Variants in RPP38 observed in about 807,000 individuals in gnomAD.
The protein encoded by RPP38 is ribonuclease P/MRP subunit p38.
RPP38 carries 2 observed loss-of-function variants against 1.7 expected under a neutral mutation model. The ratio of observed to expected loss-of-function variants is 1.18; its 90% confidence interval spans 0.48 to 3.70. RPP38 has a LOEUF of 3.70. Among genes scored for constraint, RPP38 ranks in the 30% most tolerant of loss-of-function variants. The pLI, the probability that RPP38 is intolerant of heterozygous loss-of-function variation, is 0.07. For missense variants in RPP38, 358 were observed against 340.1 expected (o/e 1.05, Z -0.41); for synonymous variants, 151 against 131.8 (o/e 1.15, Z -1.00).
At chr10:15,098,249 T>TG (rs1845006626) in intron 1 of RPP38, among the ~76,000 whole-genome samples, 1 of 147,950 alleles carries the variant, frequency 6.8e-6, no homozygotes, top group Non-Finnish European at 1.5e-5. Context: ...TTTTTTTTTT[T>TG]GAGACATAGC....
Position 15,103,477 on chromosome 10 carries a change from A to G in RPP38, c.163A>G (p.Ile55Val), listed in dbSNP as rs186655389. ...GACGCTTGAGGACAGGCTTAAAGCT[A>G]TTGGACTTCAGAAGATTGAAGATAA... ...LQTLEDRLKA[I>V]GLQKIEDKKK... Residue 55 changes from isoleucine (I) to valine (V), a missense_variant, in exon 3 of 3, where the codon ATT becomes GTT. Transcript: ENST00000378197. 58 of 1,614,170 alleles carry G rather than the reference A, an allele frequency of 3.6e-5. No homozygotes were observed. The African/African-American group carries it at 4.8e-4, about 13-fold the overall frequency.
At chr10:15,101,462 A>G (rs531360639) in intron 1 of RPP38, among the ~76,000 whole-genome samples, 3 of 152,182 alleles carry the variant, frequency 2.0e-5, no homozygotes, top group African/African-American at 4.8e-5. Flanking sequence ...CTCTGGACCA[A>G]TAGTTTATAA....
At chr10:15,101,512 A>C (rs537874129) in intron 1 of RPP38, among the ~76,000 whole-genome samples, 1 of 152,248 alleles carries the variant, frequency 6.6e-6, no homozygotes, top group African/African-American at 2.4e-5. Flanking sequence ...ATTTTTCCTC[A>C]ATGGATTAGT....
chr10:15,103,332 A>G lies in RPP38; in HGVS notation c.18A>G (p.Gln6=). ...TTTTCAAAATGGCTGCAGCTCCTCA[A>G]GCACCGGGGCGGGGATCTCTCCGTA... MAAAP[Q]APGRGSLRKT... is the part of the protein sequence containing the mutation. Residue 6 remains glutamine (Q), a synonymous_variant, in exon 3 of 3, where the codon CAA becomes CAG. Transcript: ENST00000378197. The G allele has an allele frequency of 6.4e-7, 1 of 1,571,272 alleles. No individual in the cohort carries two copies. The highest frequency in any genetic ancestry group is 8.6e-7 in the Non-Finnish European group (1 of 1,162,328).
In RPP38 at chr10:15,098,217, T is replaced by C. The variant is rs570027560; in HGVS notation, c.-130+451T>C. Among the ~76,000 whole-genome samples the C allele has an allele frequency of 3.2e-4, 47 of 147,572 alleles. 1 individual carries two copies. In the South Asian group the frequency reaches 9.7e-3, roughly 31 times the overall value. On this transcript the variant is annotated intron_variant, in intron 1 of 2. Coordinates refer to ENST00000378197, the MANE Select transcript of RPP38 (RefSeq NM_183005.5). Reference sequence around the variant, plus strand: ...CTCTGCCCCAGCCACATTGAACTTATTTGAACGTGTTTTTTTTTTTTTTTT... The same window carrying C: ...CTCTGCCCCAGCCACATTGAACTTACTTGAACGTGTTTTTTTTTTTTTTTT...
At position 15,097,648 on chromosome 10, in the gene RPP38, C is replaced by T. The variant is rs7900561; in HGVS notation, c.-248C>T. 40,788 of 152,324 alleles carry T rather than the reference C, an allele frequency of 0.27. 6,926 individuals carry two copies. The highest frequency in any genetic ancestry group is 0.49 in the African/African-American group (20,163 of 41,534). 9.4% of individuals were successfully genotyped at this position (152,324 alleles called of 1,614,324 possible). ...CGGCTCCTCTGCTGGATTGCAGCGCCGGCTGGGCACCAGGAGTACAAAGCG... is the reference window on the plus strand; with the variant it reads ...CGGCTCCTCTGCTGGATTGCAGCGCTGGCTGGGCACCAGGAGTACAAAGCG... On this transcript the variant is annotated 5_prime_UTR_variant, in exon 1 of 3. Transcript: ENST00000378197.
In RPP38 at chr10:15,097,595, T is replaced by G. The variant is rs1439543364; in HGVS notation, c.-301T>G. 1.3e-5 allele frequency: 2 copies of G among 152,264 alleles called. No individual in the cohort carries two copies. The highest frequency in any genetic ancestry group is 6.5e-5 in the Admixed American group (1 of 15,286). 9.4% of individuals were successfully genotyped at this position (152,264 alleles called of 1,614,324 possible). Reference sequence around the variant, plus strand: ...GCCGCCCAGTCCCGGGCCGGGCGCGTGCACCCAGAGCTTCCGCGTTTCTAG... The same window carrying G: ...GCCGCCCAGTCCCGGGCCGGGCGCGGGCACCCAGAGCTTCCGCGTTTCTAG... On this transcript the variant is annotated 5_prime_UTR_variant, in exon 1 of 3. Coordinates refer to ENST00000378197, the MANE Select transcript of RPP38 (RefSeq NM_183005.5).
At chr10:15,103,157 A>C in intron 2 of RPP38, 148 bp from the exon 3 acceptor site, 1 of 665,320 alleles carries the variant, frequency 1.5e-6, no homozygotes. Context: ...GTGCCACTGC[A>C]CTCCAGCCTG....
chr10:15,103,850 C>T lies in RPP38; in HGVS notation c.536C>T (p.Ala179Val), dbSNP rs149173426. Residue 179 changes from alanine to valine, a missense_variant, in exon 3 of 3, where the codon GCC becomes GTC. Ala to Val is a moderately conservative substitution (Grantham distance 64). Coordinates refer to ENST00000378197, the MANE Select transcript of RPP38 (RefSeq NM_183005.5). ...APVIGLKCVL[A>V]LAFKKNTTDF... is the part of the protein sequence containing the mutation. The stretch of plus-strand genomic sequence containing the variant: ...GTCATTGGCTTAAAATGTGTTCTAG[C>T]CTTGGCGTTCAAAAAGAACACCACT... The T allele has an allele frequency of 1.3e-5, 21 of 1,613,976 alleles. No homozygotes were observed. Among genetic ancestry groups the T allele is most frequent in the Non-Finnish European group, 1.8e-5 (21 of 1,180,020 alleles).
chr10:15,104,031 G>A lies in RPP38; in HGVS notation c.717G>A (p.Leu239=), dbSNP rs760018858. ...RELLDTSFED[L]SKPKRKLADG... ...TTTTGGACACTTCATTTGAAGATCT[G>A]TCAAAACCTAAGAGAAAGCTTGCTG... The change falls in exon 3 of 3, where the codon CTG becomes CTA. Residue 239 remains leucine, a synonymous_variant. Transcript: ENST00000378197. 31 of 1,614,018 alleles carry A rather than the reference G, an allele frequency of 1.9e-5. No homozygotes were observed. The East Asian group carries it at 3.8e-4, about 20-fold the overall frequency.
At chr10:15,098,840 T>G (rs1288679747) in intron 1 of RPP38, among the ~76,000 whole-genome samples, 2 of 148,794 alleles carry the variant, frequency 1.3e-5, no homozygotes, top group South Asian at 4.2e-4. Flanking sequence ...GAGCCGAGAT[T>G]GTGCCACTGC....
intron 1 of RPP38, among the ~76,000 whole-genome samples, chr10:15,098,998 T>C (rs1845036184): frequency 6.6e-6 from 1 of 151,922 alleles, no homozygotes; most frequent in African/African-American, 2.4e-5. Flanking sequence ...CTGACCTTCA[T>C]GTGCATCAGG....
chr10:15,098,359 G>C (rs941441129), intron 1 of RPP38, among the ~76,000 whole-genome samples: 5 of 149,398 alleles, frequency 3.3e-5, no homozygotes, highest in Non-Finnish European at 5.9e-5. Flanking sequence ...CGAGTAGCTG[G>C]GACTACAGGC....
chr10:15,099,370 C>T (rs1056732142), intron 1 of RPP38, among the ~76,000 whole-genome samples: 2 of 152,006 alleles, frequency 1.3e-5, no homozygotes, highest in Non-Finnish European at 1.5e-5. Context: ...TAGCTCATGC[C>T]CTCAATCCCA....
chr10:15,101,804 C>T (rs1005973445), intron 1 of RPP38, among the ~76,000 whole-genome samples: 3 of 152,072 alleles, frequency 2.0e-5, no homozygotes, highest in African/African-American at 7.2e-5. Flanking sequence ...GCAGGAGAAT[C>T]GCTTGAATCT....
intron 1 of RPP38, among the ~76,000 whole-genome samples, chr10:15,099,476 CTT>C (rs758952385): frequency 1.1e-4 from 16 of 141,868 alleles, no homozygotes; most frequent in Admixed American, 2.1e-4. Flanking sequence ...TATAGAATTT[CTT>C]TTTTTTTTTT....
In RPP38 at chr10:15,104,202, A is replaced by T; in HGVS notation, c.*36A>T. The T allele has an allele frequency of 6.5e-7, 1 of 1,531,600 alleles. No individual in the cohort carries two copies. Among genetic ancestry groups the T allele is most frequent in the South Asian group, 1.3e-5 (1 of 76,822 alleles). 94.9% of individuals were successfully genotyped at this position (1,531,600 alleles called of 1,614,324 possible). A position where few individuals can be genotyped will look rare whatever the true frequency, so the allele number is the denominator to read the frequency against. On this transcript the variant is annotated 3_prime_UTR_variant, in exon 3 of 3. Transcript: ENST00000378197. ...ACTTGTCATGTCATACAGTTTGTGA[A>T]AGGACACCTTGTAAAGAAGCCTTGA... is the stretch of plus-strand genomic sequence containing the variant.
At chr10:15,099,333 T>C (rs945464353) in intron 1 of RPP38, among the ~76,000 whole-genome samples, 2 of 152,108 alleles carry the variant, frequency 1.3e-5, no homozygotes, top group Non-Finnish European at 2.9e-5. Context: ...GCCTTTTATG[T>C]CACATTAGAG....
At chr10:15,098,747 G>A (rs1166652825) in intron 1 of RPP38, among the ~76,000 whole-genome samples, 1 of 151,548 alleles carries the variant, frequency 6.6e-6, no homozygotes, top group Non-Finnish European at 1.5e-5. Flanking sequence ...TTAGCCGGGC[G>A]TGATGGCCCG....
Sources: gnomAD v4.1 joint callset for allele counts (sites outside exome capture counted in the v4.1 genomes callset) on GRCh38, gnomAD v4.1.1 for gene constraint, MANE v1.5 for transcripts, NCBI Gene and HGNC (gene_info 2026-07-23, HGNC 2026-07-21) for gene names.